The following ZNF512 variants were observed in gnomAD, a reference collection of about 807,000 sequenced individuals.
ZNF512 encodes the protein zinc finger protein 512.
In ZNF512, 25 loss-of-function variants were observed where a neutral mutation model predicts 77.5. That is an observed-to-expected ratio of 0.32 (90% CI 0.23 to 0.45). The LOEUF is 0.45. Among genes scored for constraint, ZNF512 ranks in the 20% least tolerant of loss-of-function variants. The pLI, the probability that ZNF512 is intolerant of heterozygous loss-of-function variation, is 1.00. For synonymous variants in ZNF512, 246 were observed against 239.9 expected, an observed-to-expected ratio of 1.03 and a Z score of -0.24; for missense variants, 483 against 692.6, an observed-to-expected ratio of 0.70 and a Z score of 3.40.
At chr2:27,593,108 C>A (rs1384627722) in intron 2 of ZNF512, among the ~76,000 whole-genome samples, 1 of 151,348 alleles carries the variant, frequency 6.6e-6, no homozygotes, top group Admixed American at 6.6e-5. Context: ...TGCCTGTAAT[C>A]CCAGCAGTTT....
Position 27,608,075 on chromosome 2 carries a change from A to G in ZNF512, c.1131+36A>G, listed in dbSNP as rs754227501. The G allele has an allele frequency of 6.6e-6, 10 of 1,520,384 alleles. No homozygotes were observed. In the East Asian group the frequency reaches 1.6e-4, roughly 24 times the overall value. 94.2% of individuals were successfully genotyped at this position (1,520,384 alleles called of 1,614,324 possible). On this transcript the variant is annotated intron_variant, in intron 10 of 13. Coordinates refer to ENST00000355467, the MANE Select transcript of ZNF512 (RefSeq NM_032434.4). Reference sequence around the variant, plus strand: ...AACATGTATCAATTTGGGAACCATTATGTCTAACGTTGTGCCTACTGTACA... The same window carrying G: ...AACATGTATCAATTTGGGAACCATTGTGTCTAACGTTGTGCCTACTGTACA...
chr2:27,609,317 C>A (rs1312734708), intron 10 of ZNF512, among the ~76,000 whole-genome samples: 7 of 152,116 alleles, frequency 4.6e-5, no homozygotes, highest in Admixed American at 4.6e-4. Flanking sequence ...TTGCCTGCTA[C>A]AGGCTAAAGT....
rs1309355859 is a variant in ZNF512 at position 27,617,532 on chromosome 2, G to A, written c.1356G>A (p.Glu452=). The change falls in exon 13 of 14, where the codon GAG becomes GAA. Residue 452 remains glutamate, a synonymous_variant. Transcript: ENST00000355467. The stretch of plus-strand genomic sequence containing the variant: ...TATGTCAGAAAGAATTTGTGTCAGA[G>A]AGTGGTGTCAAGTATCACATCAACT... ...CLLCQKEFVS[E]SGVKYHINSV... The A allele has an allele frequency of 2.0e-6, 3 of 1,495,104 alleles. No individual in the cohort carries two copies. The Admixed American group carries it at 5.0e-5, about 25-fold the overall frequency. 92.6% of individuals were successfully genotyped at this position (1,495,104 alleles called of 1,614,324 possible). A position where few individuals can be genotyped will look rare whatever the true frequency, so the allele number is the denominator to read the frequency against.
chr2:27,608,667 A>C (rs1371931069), intron 10 of ZNF512, among the ~76,000 whole-genome samples: 3 of 152,168 alleles, frequency 2.0e-5, no homozygotes, highest in African/African-American at 4.8e-5. Flanking sequence ...GAAGACAAGG[A>C]TATATGACTA....
At chr2:27,593,195 TACACACAC>T (rs57568574) in intron 2 of ZNF512, among the ~76,000 whole-genome samples, 6,289 of 112,094 alleles carry the variant, frequency 0.056, 310 homozygotes, top group African/African-American at 0.14. Flanking sequence ...ACCCTGTCTC[TACACACAC>T]ACACACACAC....
intron 2 of ZNF512, among the ~76,000 whole-genome samples, chr2:27,594,551 G>T (rs535572658): frequency 1.3e-4 from 18 of 133,520 alleles, no homozygotes; most frequent in African/African-American, 3.8e-4. Flanking sequence ...GGGCAGAGGC[G>T]CTGGTCACAT....
At chr2:27,596,912 A>G (rs1026754881) in intron 2 of ZNF512, among the ~76,000 whole-genome samples, 1 of 152,248 alleles carries the variant, frequency 6.6e-6, no homozygotes, top group African/African-American at 2.4e-5. Context: ...CTCCTTTAAA[A>G]AATAAGCTTT....
intron 2 of ZNF512, among the ~76,000 whole-genome samples, chr2:27,595,288 TTTTTC>T (rs1671808872): frequency 5.9e-5 from 9 of 151,970 alleles, no homozygotes; most frequent in African/African-American, 1.9e-4. Context: ...AGACTGGTTT[TTTTTC>T]TTTTCTTTTC....
At chr2:27,606,009 G>A (rs1275843485) in intron 9 of ZNF512, among the ~76,000 whole-genome samples, 1 of 152,122 alleles carries the variant, frequency 6.6e-6, no homozygotes, top group Non-Finnish European at 1.5e-5. Context: ...ATTCTAATAG[G>A]TACGTAGTAG....
At chr2:27,608,176 C>A in intron 10 of ZNF512, 137 bp downstream of exon 10, 1 of 775,416 alleles carries the variant, frequency 1.3e-6, no homozygotes, top group Non-Finnish European at 1.9e-6. Context: ...TAGAGTACAT[C>A]TGATCTAGCT....
intron 9 of ZNF512, among the ~76,000 whole-genome samples, chr2:27,605,816 G>A (rs1193979740): frequency 1.3e-5 from 2 of 152,078 alleles, no homozygotes; most frequent in Non-Finnish European, 2.9e-5. Context: ...ATTTCCCTTG[G>A]GTAAATACTT....
intron 2 of ZNF512, among the ~76,000 whole-genome samples, chr2:27,597,688 A>G (rs542817220): frequency 1.3e-5 from 2 of 152,312 alleles, no homozygotes; most frequent in East Asian, 3.9e-4. Context: ...TTTAGTTGCC[A>G]TCCCTCTGTC....
chr2:27,594,077 G>A (rs1343185870), intron 2 of ZNF512, among the ~76,000 whole-genome samples: 1 of 152,212 alleles, frequency 6.6e-6, no homozygotes, highest in Admixed American at 6.5e-5. Flanking sequence ...CTGCAGAAAG[G>A]CTGTCACTTC....
chr2:27,600,474 G>A (rs762269926), intron 5 of ZNF512, among the ~76,000 whole-genome samples: 4 of 152,104 alleles, frequency 2.6e-5, no homozygotes, highest in Non-Finnish European at 5.9e-5. Context: ...GTTCTCAGGT[G>A]GTTTTTATCA....
intron 9 of ZNF512, 73 bp from the exon 10 acceptor site, chr2:27,607,772 C>T: frequency 6.9e-7 from 1 of 1,446,002 alleles, no homozygotes; most frequent in Non-Finnish European, 9.6e-7. Flanking sequence ...GAGCAGGAAG[C>T]TCAGCCTTTA....
chr2:27,612,510 G>T (rs1377120878), intron 10 of ZNF512, among the ~76,000 whole-genome samples: 1 of 151,862 alleles, frequency 6.6e-6, no homozygotes, highest in Non-Finnish European at 1.5e-5. Flanking sequence ...TTTATTTTAT[G>T]GCTGTCTATC....
intron 2 of ZNF512, among the ~76,000 whole-genome samples, chr2:27,584,977 G>A (rs1671265514): frequency 6.6e-6 from 1 of 152,218 alleles, no homozygotes; most frequent in Admixed American, 6.5e-5. Context: ...ATTTGGAAGG[G>A]TACTGGGAAA....
At chr2:27,592,232 C>G (rs1045287533) in intron 2 of ZNF512, among the ~76,000 whole-genome samples, 5 of 152,176 alleles carry the variant, frequency 3.3e-5, no homozygotes, top group African/African-American at 9.7e-5. Context: ...CTCAAGGGAT[C>G]TGCCTGCCTC....
Position 27,600,711 on chromosome 2 carries a change from T to G in ZNF512, c.478T>G (p.Tyr160Asp). ...TGTAGGCAGTTTGGAGGAGCAATGG[T>G]ACTTAGAAATCGTTGATAAAGGCAG... Reference protein sequence around the residue: ...YAAGSLEEQWYLEIVDKGSVS... With the variant: ...YAAGSLEEQWDLEIVDKGSVS... Residue 160 changes from tyrosine to aspartate, a missense_variant, in exon 6 of 14, where the codon TAC becomes GAC. Tyr to Asp is a radical substitution (Grantham distance 160). Around this residue, in one of 2 missense-constraint regions of ZNF512, gnomAD observed 324 missense variants for 525.0 expected, o/e 0.62. Coordinates refer to ENST00000355467, the MANE Select transcript of ZNF512 (RefSeq NM_032434.4). 6.2e-7 allele frequency: 1 copy of G among 1,613,928 alleles called. No homozygotes were observed. Among genetic ancestry groups the G allele is most frequent in the Non-Finnish European group, 8.5e-7 (1 of 1,179,888 alleles).
Sources: allele counts gnomAD v4.1 joint callset (sites outside exome capture counted in the v4.1 genomes callset), GRCh38; gene constraint gnomAD v4.1.1; regional missense constraint gnomAD v4.1.1; transcripts MANE v1.5; gene names NCBI Gene and HGNC (gene_info 2026-07-23, HGNC 2026-07-21).